Variants in LPA observed in about 807,000 individuals in gnomAD.
LPA encodes lipoprotein(a), also known as apolipoprotein(a).
A neutral mutation model predicts 197.9 loss-of-function variants in LPA; 199 were observed. The ratio of observed to expected loss-of-function variants is 1.01; its 90% confidence interval spans 0.90 to 1.13. LPA has a LOEUF of 1.13. Among genes scored for constraint, LPA ranks in the 50% most tolerant of loss-of-function variants. LPA has a pLI of 0.00. For missense variants in LPA, 1,853 were observed against 1,785.8 expected (o/e 1.04, Z -0.68); for synonymous variants, 715 against 639.5 (o/e 1.12, Z -1.78).
At chr6:160,615,471 AT>A (rs1582888152) in intron 14 of LPA, among the ~76,000 whole-genome samples, 1 of 115,968 alleles carries the variant, frequency 8.6e-6, no homozygotes, top group East Asian at 2.4e-4. Flanking sequence ...CCATACAGTA[AT>A]TTTTTTCAAT....
intron 28 of LPA, among the ~76,000 whole-genome samples, chr6:160,570,035 T>C (rs1778535200): frequency 6.6e-6 from 1 of 152,180 alleles, no homozygotes; most frequent in Admixed American, 6.5e-5. Flanking sequence ...ACACTGGTGG[T>C]GGGACTGTAA....
At chr6:160,651,225 C>T (rs575821689) in intron 1 of LPA, among the ~76,000 whole-genome samples, 1 of 152,304 alleles carries the variant, frequency 6.6e-6, no homozygotes, top group South Asian at 2.1e-4. Context: ...CCAGGAGATA[C>T]AGCATTTGTT....
intron 17 of LPA, among the ~76,000 whole-genome samples, chr6:160,605,669 T>A (rs1290369717): frequency 6.6e-6 from 1 of 152,104 alleles, no homozygotes; most frequent in Admixed American, 6.5e-5. Flanking sequence ...AATGAACGTT[T>A]CATAACAAAA....
chr6:160,590,006 G>A (rs1262611914), intron 23 of LPA, among the ~76,000 whole-genome samples: 1 of 152,208 alleles, frequency 6.6e-6, no homozygotes, highest in African/African-American at 2.4e-5. Context: ...GATCTCTTTT[G>A]GGTGTTCCTG....
intron 28 of LPA, 66 bp downstream of exon 28, chr6:160,577,070 C>T (rs1778697563): frequency 6.3e-7 from 1 of 1,585,736 alleles, no homozygotes; most frequent in Admixed American, 1.7e-5. Context: ...GAGCTTAAAG[C>T]ATGGGTCTTC....
At chr6:160,615,352 T>TG (rs1562346207) in intron 14 of LPA, among the ~76,000 whole-genome samples, 423 of 122,260 alleles carry the variant, frequency 3.5e-3, no homozygotes, top group Middle Eastern at 0.018. Flanking sequence ...TGTTTTCAGT[T>TG]TGTGTGTGTG....
chr6:160,586,418 G>T, intron 25 of LPA, 31 bp downstream of exon 25: 1 of 1,610,952 alleles, frequency 6.2e-7, no homozygotes, highest in South Asian at 1.1e-5. Context: ...CAATGTCCGA[G>T]GGTATGGTTG....
chr6:160,575,304 T>C (rs1237858638), intron 28 of LPA, among the ~76,000 whole-genome samples: 1 of 152,212 alleles, frequency 6.6e-6, no homozygotes, highest in Non-Finnish European at 1.5e-5. Flanking sequence ...AATGATCATA[T>C]GTATATTTTA....
At chr6:160,634,767 T>C (rs568861679) in intron 7 of LPA, among the ~76,000 whole-genome samples, 1 of 151,350 alleles carries the variant, frequency 6.6e-6, no homozygotes, top group African/African-American at 2.5e-5. Flanking sequence ...TGCTGGCTAC[T>C]TGAAGAAATC....
Position 160,568,045 on chromosome 6 carries a change from G to A in LPA, c.4631+9091C>T, listed in dbSNP as rs549299082. Among the ~76,000 whole-genome samples the A allele has an allele frequency of 6.3e-4, 96 of 151,596 alleles. 2 individuals carry two copies. The highest frequency in any genetic ancestry group is 6.9e-3 in the Middle Eastern group (2 of 290). On this transcript the variant is annotated intron_variant, in intron 28 of 38. Transcript: ENST00000316300. ...AAAAGTCCAGGAGAGATTCATAGCC[G>A]AATTCTACCACAGATACAAAGAGGA...
At chr6:160,606,352 C>T in intron 17 of LPA, 125 bp downstream of exon 17, 1 of 1,390,300 alleles carries the variant, frequency 7.2e-7, no homozygotes, top group African/African-American at 1.4e-5. Flanking sequence ...CTTCCTCCTA[C>T]ATGACAGAAC....
At chr6:160,566,366 T>C (rs1281269196) in intron 28 of LPA, among the ~76,000 whole-genome samples, 2 of 152,154 alleles carry the variant, frequency 1.3e-5, no homozygotes, top group Non-Finnish European at 2.9e-5. Context: ...AATTTTCAAC[T>C]GAGAATATCA....
chr6:160,541,003 G>T, intron 35 of LPA, 104 bp downstream of exon 35: 1 of 929,280 alleles, frequency 1.1e-6, no homozygotes, highest in Non-Finnish European at 1.8e-6. Flanking sequence ...AAGAGAGGTG[G>T]GGAGGAAGGA....
Position 160,611,494 on chromosome 6 carries a change from A to T in LPA, c.2603+68T>A. 1.9e-6 allele frequency: 3 copies of T among 1,592,530 alleles called. No individual in the cohort carries two copies. The South Asian group carries it at 3.3e-5, about 18-fold the overall frequency. Reference sequence around the variant, plus strand: ...GTTGAGTTCGGAGAACTCAGCTTGAAGCATGTCTCTTGTCACAGAAACTTC... The same window carrying T: ...GTTGAGTTCGGAGAACTCAGCTTGATGCATGTCTCTTGTCACAGAAACTTC... On this transcript the variant is annotated intron_variant, in intron 16 of 38. Coordinates refer to ENST00000316300, the MANE Select transcript of LPA (RefSeq NM_005577.4).
At chr6:160,601,148 G>T in intron 18 of LPA, 50 bp from the exon 19 acceptor site, 1 of 1,529,322 alleles carries the variant, frequency 6.5e-7, no homozygotes, top group Non-Finnish European at 9.1e-7. Flanking sequence ...ACATATGCAG[G>T]AACACTGTAT....
In LPA at chr6:160,591,007, G is replaced by A. The variant is rs768922928; in HGVS notation, c.3724C>T (p.Leu1242=). ...GATTCTGTCACTGGACATTGTGTCAGGTTGCAGTACTCCCATCTGACATTG... is the reference window on the plus strand; with the variant it reads ...GATTCTGTCACTGGACATTGTGTCAAGTTGCAGTACTCCCATCTGACATTG... ...DPNVRWEYCN[L]TQCPVTESSV... is the part of the protein sequence containing the mutation. The change falls in exon 23 of 39, where the codon CTG becomes TTG. Residue 1242 remains leucine (L), a synonymous_variant. Coordinates refer to ENST00000316300, the MANE Select transcript of LPA (RefSeq NM_005577.4). 3 of 1,613,896 alleles carry A rather than the reference G, an allele frequency of 1.9e-6. No individual in the cohort carries two copies. Among genetic ancestry groups the A allele is most frequent in the African/African-American group, 2.7e-5 (2 of 74,920 alleles).
chr6:160,585,142 C>T lies in LPA; in HGVS notation c.4193G>A (p.Gly1398Asp), dbSNP rs756618647. Residue 1398 changes from glycine (G) to aspartate (D), a missense_variant, in exon 26 of 39, where the codon GGC becomes GAC. Transcript: ENST00000316300. ...TCCTGTGATAGTGGTGGAGAGTGTG[C>T]CTCGATAACTCTGTCCATCACCTCG... ...CYRGDGQSYR[G>D]TLSTTITGRT... is the part of the protein sequence containing the mutation. The T allele has an allele frequency of 2.5e-6, 4 of 1,613,682 alleles. No homozygotes were observed. The highest frequency in any genetic ancestry group is 3.4e-6 in the Non-Finnish European group (4 of 1,179,826).
intron 30 of LPA, among the ~76,000 whole-genome samples, chr6:160,555,144 A>G (rs1036977947): frequency 6.6e-6 from 1 of 151,248 alleles, no homozygotes; most frequent in African/African-American, 2.4e-5. Context: ...TCTCATCTAC[A>G]TTCTTGCTTT....
At chr6:160,600,049 G>GT (rs1270009563) in intron 19 of LPA, among the ~76,000 whole-genome samples, 1 of 152,158 alleles carries the variant, frequency 6.6e-6, no homozygotes, top group Non-Finnish European at 1.5e-5. Flanking sequence ...CATTAAAATG[G>GT]TTTTTTGGGG....
Sources: gnomAD v4.1 joint callset for allele counts (sites outside exome capture counted in the v4.1 genomes callset) on GRCh38, gnomAD v4.1.1 for gene constraint, MANE v1.5 for transcripts, NCBI Gene and HGNC (gene_info 2026-07-23, HGNC 2026-07-21) for gene names.